Variants in PIGP observed in about 807,000 individuals in gnomAD.
PIGP encodes the protein phosphatidylinositol N-acetylglucosaminyltransferase subunit P.
PIGP carries 12 observed loss-of-function variants against 16.9 expected under a neutral mutation model. That is an observed-to-expected ratio of 0.71 (90% CI 0.46 to 1.15). The LOEUF is 1.15. PIGP is among the 50% of genes most tolerant of loss of function. PIGP has a pLI of 0.00. For missense variants in PIGP, 159 were observed against 153.5 expected, an observed-to-expected ratio of 1.04 and a Z score of -0.19; for synonymous variants, 57 against 54.7, an observed-to-expected ratio of 1.04 and a Z score of -0.18.
At position 37,065,615 on chromosome 21, in the gene PIGP, A is replaced by G. The variant is rs2069888195; in HGVS notation, c.372T>C (p.Phe124=). 6.2e-7 allele frequency: 1 copy of G among 1,613,540 alleles called. No individual in the cohort carries two copies. The highest frequency in any genetic ancestry group is 1.3e-5 in the African/African-American group (1 of 75,032). The part of the protein sequence containing the change: ...ISISEVNQMF[F]LAAKELYTKN ...TGGTGTAAAGTTCTTTGGCTGCAAG[A>G]AAGAACATTTGGTTTACTTCACTAA... Residue 124 remains phenylalanine (F), a synonymous_variant, in exon 5 of 5, where the codon TTT becomes TTC. Transcript: ENST00000360525.
At chr21:37,070,579 G>A (rs189989524) in intron 2 of PIGP, among the ~76,000 whole-genome samples, 7 of 152,172 alleles carry the variant, frequency 4.6e-5, no homozygotes, top group African/African-American at 1.7e-4. Context: ...CCCATAGTAC[G>A]TTATCACCTG....
At position 37,067,251 on chromosome 21, in the gene PIGP, T is replaced by C. The variant is rs376179040; in HGVS notation, c.274+11A>G. 40 of 1,457,782 alleles carry C rather than the reference T, an allele frequency of 2.7e-5. No individual in the cohort carries two copies. In the Admixed American group the frequency reaches 3.2e-4, roughly 12 times the overall value. 90.3% of individuals were successfully genotyped at this position (1,457,782 alleles called of 1,614,324 possible). On this transcript the variant is annotated intron_variant, in intron 4 of 4. Coordinates refer to ENST00000360525, the MANE Select transcript of PIGP (RefSeq NM_153682.3). ...TCATTGCCCCAGCACTTTCCTTTTA[T>C]ATAAAGTTACCTGTGATTGTATGGA...
In PIGP at chr21:37,068,167, A is replaced by AT. The variant is rs960353103; in HGVS notation, c.156-788dup. On this transcript the variant is annotated intron_variant, in intron 3 of 4. Transcript: ENST00000360525. Reference sequence around the variant, plus strand: ...CACCACCACACCTGGCTAATTTTTAATTTTTTTGTAGAAATGGGGTCTTGA... The same window carrying AT: ...CACCACCACACCTGGCTAATTTTTAATTTTTTTTGTAGAAATGGGGTCTTGA... Among the ~76,000 whole-genome samples the AT allele has an allele frequency of 4.0e-5, 6 of 149,460 alleles. No homozygotes were observed. In the East Asian group the frequency reaches 5.9e-4, roughly 15 times the overall value.
chr21:37,066,203 T>C (rs779502989), intron 4 of PIGP, among the ~76,000 whole-genome samples: 12 of 152,206 alleles, frequency 7.9e-5, no homozygotes, highest in Non-Finnish European at 1.3e-4. Context: ...AACCATACAA[T>C]GATGATTAAA....
intron 2 of PIGP, among the ~76,000 whole-genome samples, chr21:37,070,656 C>T (rs1320777606): frequency 6.6e-6 from 1 of 152,200 alleles, no homozygotes; most frequent in East Asian, 1.9e-4. Context: ...AGAATGAAGA[C>T]TCAAAGCAGG....
At chr21:37,071,563 G>A (rs532940651) in intron 2 of PIGP, among the ~76,000 whole-genome samples, 2 of 152,318 alleles carry the variant, frequency 1.3e-5, no homozygotes, top group East Asian at 3.9e-4. Flanking sequence ...CTTCACTTCA[G>A]TTTTAATAGC....
chr21:37,072,738 G>C, intron 1 of PIGP: 2 of 758,520 alleles, frequency 2.6e-6, no homozygotes, highest in South Asian at 3.5e-5. Flanking sequence ...GGGTGGCGGA[G>C]GATAGGGCAG....
intron 3 of PIGP, among the ~76,000 whole-genome samples, chr21:37,067,811 T>C (rs570014474): frequency 6.6e-6 from 1 of 152,246 alleles, no homozygotes; most frequent in Non-Finnish European, 1.5e-5. Context: ...ACATAAACAA[T>C]TTTGCAACTG....
At chr21:37,072,267 T>G in intron 2 of PIGP, 167 bp downstream of exon 2, 1 of 1,610,108 alleles carries the variant, frequency 6.2e-7, no homozygotes, top group Non-Finnish European at 8.5e-7. Context: ...AGGCTAGTGC[T>G]GGCACACGGA....
intron 1 of PIGP, 192 bp downstream of exon 1, chr21:37,072,808 G>A (rs1291929506): frequency 3.7e-6 from 2 of 540,834 alleles, no homozygotes; most frequent in Non-Finnish European, 6.5e-6. Flanking sequence ...GCCTCCCTGT[G>A]GGAGGGGAGG....
intron 4 of PIGP, 94 bp downstream of exon 4, chr21:37,067,168 G>T: frequency 1.4e-6 from 1 of 737,808 alleles, no homozygotes. Flanking sequence ...CACCAACATG[G>T]GTTTTGCAGC....
intron 4 of PIGP, 95 bp downstream of exon 4, chr21:37,067,167 G>A: frequency 2.7e-6 from 2 of 730,018 alleles, no homozygotes; most frequent in Non-Finnish European, 4.8e-6. Context: ...CCACCAACAT[G>A]GGTTTTGCAG....
Position 37,065,665 on chromosome 21 carries a change from T to C in PIGP, c.322A>G (p.Ile108Val), listed in dbSNP as rs200401315. 4.3e-6 allele frequency: 7 copies of C among 1,613,292 alleles called. No individual in the cohort carries two copies. In the African/African-American group the frequency reaches 9.3e-5, roughly 22 times the overall value. ...ATAGAAATATCTCTTAAGGCTGGAA[T>C]GGCCTCCTCTTGGTATTTCTTCTGC... ...QQQKKYQEEA[I>V]PALRDISISE... The change falls in exon 5 of 5, where the codon ATT (isoleucine) becomes GTT (valine). Residue 108 changes from isoleucine (I) to valine (V), a missense_variant. By Grantham distance (29) the Ile-to-Val change is conservative. Transcript: ENST00000360525.
chr21:37,066,872 A>G (rs2146805624), intron 4 of PIGP, among the ~76,000 whole-genome samples: 1 of 152,320 alleles, frequency 6.6e-6, no homozygotes, highest in Admixed American at 6.5e-5. Context: ...CTCCATGAAT[A>G]TAGCTAGTGT....
At chr21:37,072,966 C>T (rs2070227685) in intron 1 of PIGP, 34 bp downstream of exon 1, 4 of 202,886 alleles carry the variant, frequency 2.0e-5, no homozygotes, top group African/African-American at 7.1e-5. Context: ...GTCCTTCATA[C>T]GCCCACCCAG....
In PIGP at chr21:37,070,976, G is replaced by C. The variant is rs537219988; in HGVS notation, c.83-1352C>G. Among the ~76,000 whole-genome samples the C allele has an allele frequency of 2.6e-5, 4 of 152,308 alleles. No homozygotes were observed. The South Asian group carries it at 8.3e-4, about 32-fold the overall frequency. ...GGGTTTTTCCATGTTGGTCTGGCTG[G>C]TCTCAAACTCCCGACCTCAGATGAT... is the stretch of plus-strand genomic sequence containing the variant. On this transcript the variant is annotated intron_variant, in intron 2 of 4. Transcript: ENST00000360525.
chr21:37,067,283 C>A lies in PIGP; in HGVS notation c.253G>T (p.Asp85Tyr), dbSNP rs568266690. 2 of 1,592,886 alleles carry A rather than the reference C, an allele frequency of 1.3e-6. No homozygotes were observed. The highest frequency in any genetic ancestry group is 1.7e-6 in the Non-Finnish European group (2 of 1,160,906). Residue 85 changes from aspartate (D) to tyrosine (Y), a missense_variant, in exon 4 of 5, where the codon GAC (aspartate) becomes TAC (tyrosine). Coordinates refer to ENST00000360525, the MANE Select transcript of PIGP (RefSeq NM_153682.3). ...GINMMSTSPL[D>Y]SIHTITDNYA... ...TTACCTGTGATTGTATGGATGGAGT[C>A]GAGTGGAGAGGTACTCATCATGTTA...
chr21:37,065,530 G>A lies in PIGP; in HGVS notation c.*52C>T. ...TTAATTTATGGTCAAAATTATAATG[G>A]CAAAAACTTATAAATAAATACGTGC... On this transcript the variant is annotated 3_prime_UTR_variant, in exon 5 of 5. Coordinates refer to ENST00000360525, the MANE Select transcript of PIGP (RefSeq NM_153682.3). 6.4e-7 allele frequency: 1 copy of A among 1,561,294 alleles called. No individual in the cohort carries two copies. The highest frequency in any genetic ancestry group is 8.6e-7 in the Non-Finnish European group (1 of 1,158,136).
At position 37,072,502 on chromosome 21, in the gene PIGP, G is replaced by C. The variant is rs767937668; in HGVS notation, c.14C>G (p.Ser5Ter). The C allele has an allele frequency of 8.7e-6, 14 of 1,614,232 alleles. No homozygotes were observed. The highest frequency in any genetic ancestry group is 1.3e-5 in the African/African-American group (1 of 75,060). The part of the protein sequence containing the change: MVEN[S>*]PSPLPERAIY... Reference sequence around the variant, plus strand: ...CGCTCTTTCTGGCAATGGCGACGGTGAATTTTCCACCATTTTTCCTGGGGC... The same window carrying C: ...CGCTCTTTCTGGCAATGGCGACGGTCAATTTTCCACCATTTTTCCTGGGGC... The change falls in exon 2 of 5, where the codon TCA (serine) becomes TGA (stop). Residue 5 changes from serine (S) to a stop codon, truncating the protein, a stop_gained. Transcript: ENST00000360525. LOFTEE classifies it high-confidence loss of function.
Sources: allele counts gnomAD v4.1 joint callset (sites outside exome capture counted in the v4.1 genomes callset), GRCh38; gene constraint gnomAD v4.1.1; transcripts MANE v1.5; gene names NCBI Gene and HGNC (gene_info 2026-07-23, HGNC 2026-07-21).